Variants in S100Z observed in about 807,000 individuals in gnomAD.
The protein encoded by S100Z is S100 calcium binding protein Z.
S100Z carries 11 observed loss-of-function variants against 8.5 expected under a neutral mutation model. That is an observed-to-expected ratio of 1.30 (90% confidence interval 0.82 to 2.15). The LOEUF is 2.15. S100Z is among the 30% of genes most tolerant of loss of function. The pLI is 0.00. For synonymous variants in S100Z, 34 were observed against 43.8 expected (o/e 0.78, Z 0.89); for missense variants, 126 against 117.9 (o/e 1.07, Z -0.32).
intron 1 of S100Z, among the ~76,000 whole-genome samples, chr5:76,860,859 A>C (rs1410988734): frequency 6.6e-6 from 1 of 152,208 alleles, no homozygotes; most frequent in Non-Finnish European, 1.5e-5. Flanking sequence ...GTGCTTTTTG[A>C]GAGGCCACGC....
intron 4 of S100Z, among the ~76,000 whole-genome samples, chr5:76,894,235 C>G (rs1421006505): frequency 2.0e-5 from 3 of 152,234 alleles, no homozygotes; most frequent in Admixed American, 6.5e-5. Flanking sequence ...GGTCTTCAGA[C>G]AAACTCAACC....
At chr5:76,908,702 C>T (rs1366639287) in intron 4 of S100Z, among the ~76,000 whole-genome samples, 1 of 152,192 alleles carries the variant, frequency 6.6e-6, no homozygotes, top group Non-Finnish European at 1.5e-5. Context: ...TGTATCCTTC[C>T]TATTCATATA....
chr5:76,875,327 C>A lies in S100Z; in HGVS notation c.-33C>A. ...AGTGTCTTCTCCCCGGGTTTGGTGG[C>A]CTGCTTCTGGAGTGGTCAGTTCTGC... On this transcript the variant is annotated 5_prime_UTR_variant, in exon 3 of 5. Coordinates refer to ENST00000317593, the MANE Select transcript of S100Z (RefSeq NM_130772.4). 1 of 1,581,876 alleles carries A rather than the reference C, an allele frequency of 6.3e-7. No homozygotes were observed. Among genetic ancestry groups the A allele is most frequent in the Non-Finnish European group, 8.6e-7 (1 of 1,165,046 alleles).
intron 4 of S100Z, among the ~76,000 whole-genome samples, chr5:76,917,987 T>C (rs1744906759): frequency 6.6e-6 from 1 of 152,230 alleles, no homozygotes; most frequent in Non-Finnish European, 1.5e-5. Context: ...TCTTTAAATA[T>C]ATATCTGTGT....
At chr5:76,854,575 T>C (rs1015184155) in intron 1 of S100Z, among the ~76,000 whole-genome samples, 2 of 152,220 alleles carry the variant, frequency 1.3e-5, no homozygotes, top group Non-Finnish European at 1.5e-5. Flanking sequence ...ATGGACTGGC[T>C]GCTTCTAACA....
chr5:76,904,667 C>A (rs1357827887), intron 4 of S100Z, among the ~76,000 whole-genome samples: 1 of 151,976 alleles, frequency 6.6e-6, no homozygotes, highest in Non-Finnish European at 1.5e-5. Context: ...AAACATTATG[C>A]TTTTTGGTCC....
intron 4 of S100Z, among the ~76,000 whole-genome samples, chr5:76,898,472 G>A (rs546320048): frequency 2.1e-3 from 318 of 152,192 alleles, no homozygotes; most frequent in Non-Finnish European, 3.5e-3. Context: ...GCCAAGGTAT[G>A]TTCCCTCTAT....
chr5:76,927,429 C>T, the S100Z span, among the ~76,000 whole-genome samples: 1 of 152,192 alleles, frequency 6.6e-6, no homozygotes, highest in Non-Finnish European at 1.5e-5. Context: ...TCATCTTTCT[C>T]ACCTCCATTC....
chr5:76,944,795 T>C, the S100Z span, among the ~76,000 whole-genome samples: 1 of 152,250 alleles, frequency 6.6e-6, no homozygotes, highest in Non-Finnish European at 1.5e-5. Flanking sequence ...TGATGTTACG[T>C]GCCCATGCGT....
intron 4 of S100Z, among the ~76,000 whole-genome samples, chr5:76,895,601 A>C (rs1744005762): frequency 6.6e-6 from 1 of 152,004 alleles, no homozygotes; most frequent in Non-Finnish European, 1.5e-5. Context: ...GGTATATGAA[A>C]GGTTTTAATA....
intron 4 of S100Z, among the ~76,000 whole-genome samples, chr5:76,914,396 T>TA (rs374152751): frequency 6.3e-3 from 123 of 19,568 alleles, no homozygotes; most frequent in African/African-American, 0.02. Context: ...CAGCACTCTG[T>TA]AAAATGGACC....
rs1052185026 is a variant in S100Z at position 76,889,016 on chromosome 5, G to C, written c.*2+11182G>C. On this transcript the variant is annotated intron_variant, in intron 4 of 4. Coordinates refer to ENST00000317593, the MANE Select transcript of S100Z (RefSeq NM_130772.4). ...CCTACATTTGCATATTAAGAGCCTA[G>C]GGTGGGAGGGCCAGCGTTTTTGGGG... Among the ~76,000 whole-genome samples, 50 of 152,192 alleles carry C rather than the reference G, an allele frequency of 3.3e-4. 1 individual carries two copies. Among genetic ancestry groups the C allele is most frequent in the Non-Finnish European group, 8.8e-5 (6 of 68,036 alleles).
chr5:76,940,072 A>T, the S100Z span, among the ~76,000 whole-genome samples: 1 of 149,678 alleles, frequency 6.7e-6, no homozygotes, highest in Non-Finnish European at 1.5e-5. Context: ...CAGGAGAATC[A>T]CTTGAGCCCA....
chr5:76,907,827 G>A (rs1409824007), intron 4 of S100Z, among the ~76,000 whole-genome samples: 2 of 152,060 alleles, frequency 1.3e-5, no homozygotes, highest in Non-Finnish European at 2.9e-5. Context: ...ATTAATTTGA[G>A]ATCTTATTGT....
chr5:76,902,619 T>C (rs762227447), intron 4 of S100Z, among the ~76,000 whole-genome samples: 2 of 148,020 alleles, frequency 1.4e-5, no homozygotes, highest in African/African-American at 5.3e-5. Context: ...TTGGTTCTTA[T>C]GAAGGTGGGT....
At chr5:76,879,131 G>A (rs573039085) in intron 4 of S100Z, among the ~76,000 whole-genome samples, 25 of 152,288 alleles carry the variant, frequency 1.6e-4, no homozygotes, top group African/African-American at 6.0e-4. Context: ...TGCTATTGTA[G>A]ACAAGAACCC....
At chr5:76,885,587 T>G (rs1580024176) in intron 4 of S100Z, among the ~76,000 whole-genome samples, 1 of 112,918 alleles carries the variant, frequency 8.9e-6, no homozygotes. Context: ...GGTTGGGAGG[T>G]GCTTGTCCCC....
At chr5:76,863,705 A>AT (rs1363288385) in intron 1 of S100Z, among the ~76,000 whole-genome samples, 21 of 151,612 alleles carry the variant, frequency 1.4e-4, no homozygotes, top group South Asian at 4.2e-4. Flanking sequence ...CACCCAGCTA[A>AT]TTTTTTGTAT....
At chr5:76,898,937 T>TC (rs1554038887) in intron 4 of S100Z, among the ~76,000 whole-genome samples, 50 of 140,960 alleles carry the variant, frequency 3.5e-4, no homozygotes, top group African/African-American at 1.3e-3. Flanking sequence ...TCTTTTCTTT[T>TC]TTTTTTTTTT....
Sources: allele counts gnomAD v4.1 joint callset (sites outside exome capture counted in the v4.1 genomes callset), GRCh38; gene constraint gnomAD v4.1.1; transcripts MANE v1.5; gene names NCBI Gene and HGNC (gene_info 2026-07-23, HGNC 2026-07-21).